The following ROBO1 variants were observed in gnomAD, a reference collection of about 807,000 sequenced individuals.
The protein encoded by ROBO1 is roundabout homolog 1.
A neutral mutation model predicts 195.9 loss-of-function variants in ROBO1; 149 were observed. The observed-to-expected ratio is 0.76, with a 90% confidence interval of 0.67 to 0.87. The LOEUF (loss-of-function observed/expected upper bound fraction) is 0.87. Ranked by LOEUF, ROBO1 falls within the 40% of genes least tolerant of loss-of-function variation. ROBO1 has a pLI of 0.00. For synonymous variants in ROBO1, 816 were observed against 733.2 expected (o/e 1.11, Z -1.82); for missense variants, 1,933 against 2,068.3 (o/e 0.93, Z 1.27).
intron 25 of ROBO1, among the ~76,000 whole-genome samples, chr3:78,628,410 G>T (rs934085760): frequency 3.3e-5 from 5 of 152,084 alleles, no homozygotes; most frequent in South Asian, 2.1e-4. Flanking sequence ...ATTTAGGCTG[G>T]TGAGTGAAAA....
At chr3:79,167,278 C>T (rs1313150662) in intron 2 of ROBO1, among the ~76,000 whole-genome samples, 3 of 151,928 alleles carry the variant, frequency 2.0e-5, no homozygotes, top group East Asian at 3.9e-4. Flanking sequence ...TTTGTTTACT[C>T]TTCACTATTT....
Position 79,446,506 on chromosome 3 carries a change from A to G in ROBO1, c.88+143318T>C, listed in dbSNP as rs187324838. 3.3e-4 allele frequency among the ~76,000 whole-genome samples: 51 copies of G among 152,314 alleles called. No individual in the cohort carries two copies. The East Asian group carries it at 9.3e-3, about 28-fold the overall frequency. ...TCATGCTGCAATTAGTGTTGCTTATAATAGATAGGTACAAAACTTAATTAA... is the reference window on the plus strand; with the variant it reads ...TCATGCTGCAATTAGTGTTGCTTATGATAGATAGGTACAAAACTTAATTAA... On this transcript the variant is annotated intron_variant, in intron 2 of 30. Coordinates refer to ENST00000464233, the MANE Select transcript of ROBO1 (RefSeq NM_002941.4).
intron 1 of ROBO1, among the ~76,000 whole-genome samples, chr3:79,660,575 C>T (rs1336399836): frequency 6.6e-6 from 1 of 152,018 alleles, no homozygotes; most frequent in South Asian, 2.1e-4. Context: ...ACATTATCAG[C>T]TATAATAGTC....
intron 10 of ROBO1, among the ~76,000 whole-genome samples, chr3:78,675,836 C>T (rs545675800): frequency 4.7e-4 from 71 of 152,172 alleles, no homozygotes; most frequent in Non-Finnish European, 7.5e-4. Flanking sequence ...TCTCCCAGCA[C>T]GCAGCTGGAG....
intron 2 of ROBO1, among the ~76,000 whole-genome samples, chr3:79,365,672 C>T (rs796957474): frequency 2.2e-4 from 34 of 151,956 alleles, no homozygotes; most frequent in African/African-American, 7.7e-4. Context: ...CCGAGGCGGG[C>T]GGATCACGAG....
intron 4 of ROBO1, among the ~76,000 whole-genome samples, chr3:78,755,120 T>C (rs377658991): frequency 1.4e-3 from 218 of 152,288 alleles, no homozygotes; most frequent in African/African-American, 4.9e-3. Context: ...AATGAAATTC[T>C]CATACTTCAG....
At chr3:78,650,808 G>C (rs1706599225) in intron 19 of ROBO1, among the ~76,000 whole-genome samples, 1 of 152,100 alleles carries the variant, frequency 6.6e-6, no homozygotes, top group Non-Finnish European at 1.5e-5. Context: ...AATTTTGAGA[G>C]CAAGAAGGGG....
At chr3:78,930,818 A>T (rs2107644842) in intron 4 of ROBO1, among the ~76,000 whole-genome samples, 1 of 152,264 alleles carries the variant, frequency 6.6e-6, no homozygotes, top group South Asian at 2.1e-4. Flanking sequence ...CTATTATGCA[A>T]CTCATTCTCT....
At chr3:79,470,383 G>A (rs1350753667) in intron 2 of ROBO1, among the ~76,000 whole-genome samples, 1 of 152,156 alleles carries the variant, frequency 6.6e-6, no homozygotes, top group Non-Finnish European at 1.5e-5. Context: ...ACACAGGAAA[G>A]GGAACATCAC....
intron 4 of ROBO1, among the ~76,000 whole-genome samples, chr3:78,748,733 T>TG (rs1336984688): frequency 6.6e-6 from 1 of 152,058 alleles, no homozygotes; most frequent in Non-Finnish European, 1.5e-5. Context: ...ATCACATCCA[T>TG]GAAAAAAATC....
At chr3:78,660,951 A>T (rs1337071160) in intron 16 of ROBO1, 79 bp downstream of exon 16, 1 of 950,228 alleles carries the variant, frequency 1.1e-6, no homozygotes, top group Non-Finnish European at 1.6e-6. Context: ...TATTAACATT[A>T]TAACAATTTA....
At chr3:78,700,226 C>G (rs2081389149) in intron 8 of ROBO1, among the ~76,000 whole-genome samples, 1 of 152,164 alleles carries the variant, frequency 6.6e-6, no homozygotes, top group Non-Finnish European at 1.5e-5. Context: ...TTTTCATATT[C>G]TGCTGATACT....
chr3:79,520,723 T>C (rs1941172651), intron 2 of ROBO1, among the ~76,000 whole-genome samples: 2 of 152,078 alleles, frequency 1.3e-5, no homozygotes, highest in African/African-American at 4.8e-5. Context: ...AAGAACTACC[T>C]GAGGGAAAAG....
chr3:79,572,588 A>G (rs1943315570), intron 2 of ROBO1, among the ~76,000 whole-genome samples: 1 of 152,124 alleles, frequency 6.6e-6, no homozygotes, highest in Admixed American at 6.6e-5. Context: ...GAGAAAAAGG[A>G]TGGTCTTCTG....
intron 5 of ROBO1, among the ~76,000 whole-genome samples, chr3:78,740,646 G>A (rs992165767): frequency 6.6e-6 from 1 of 151,618 alleles, no homozygotes; most frequent in Non-Finnish European, 1.5e-5. Flanking sequence ...TAGTTTTTTT[G>A]TATTTTGAGT....
chr3:78,984,055 C>A (rs996471542), intron 3 of ROBO1, among the ~76,000 whole-genome samples: 1 of 152,144 alleles, frequency 6.6e-6, no homozygotes, highest in East Asian at 1.9e-4. Flanking sequence ...AAAATAACAT[C>A]ATTAATAACG....
At chr3:79,135,900 G>T (rs563046936) in intron 2 of ROBO1, among the ~76,000 whole-genome samples, 1 of 152,254 alleles carries the variant, frequency 6.6e-6, no homozygotes. Context: ...GCCTCCCAAA[G>T]TGCTGGGATT....
At chr3:79,388,028 A>G (rs1416017638) in intron 2 of ROBO1, among the ~76,000 whole-genome samples, 1 of 152,144 alleles carries the variant, frequency 6.6e-6, no homozygotes, top group Non-Finnish European at 1.5e-5. Context: ...TATTTGTTAA[A>G]CTGAATGGAA....
At chr3:78,630,256 A>G (rs1452852282) in intron 25 of ROBO1, among the ~76,000 whole-genome samples, 1 of 152,236 alleles carries the variant, frequency 6.6e-6, no homozygotes, top group Non-Finnish European at 1.5e-5. Flanking sequence ...CCTAGGCCCA[A>G]TGAATGGTTC....
Sources: gnomAD v4.1 joint callset for allele counts (sites outside exome capture counted in the v4.1 genomes callset) on GRCh38, gnomAD v4.1.1 for gene constraint, MANE v1.5 for transcripts, NCBI Gene and HGNC (gene_info 2026-07-23, HGNC 2026-07-21) for gene names.